FAM227B: variants seen among roughly 807,000 people sequenced by gnomAD.
FAM227B encodes the protein family with sequence similarity 227 member B.
A neutral mutation model predicts 73.8 loss-of-function variants in FAM227B; 88 were observed. The ratio of observed to expected loss-of-function variants is 1.19; its 90% CI spans 1.00 to 1.42. The LOEUF (loss-of-function observed/expected upper bound fraction) is 1.42, where lower values mean the gene tolerates loss of function less well. Among genes scored for constraint, FAM227B ranks in the 40% most tolerant of loss-of-function variants. The pLI is 0.00. For missense variants in FAM227B, 632 were observed against 590.9 expected (o/e 1.07, Z -0.72); for synonymous variants, 210 against 190.5 (o/e 1.10, Z -0.84).
At chr15:49,464,486 T>C (rs1457419741) in intron 11 of FAM227B, among the ~76,000 whole-genome samples, 1 of 152,160 alleles carries the variant, frequency 6.6e-6, no homozygotes, top group Non-Finnish European at 1.5e-5. Context: ...TCTAAATTCA[T>C]GAACTAAGCT....
At chr15:49,612,185 G>C (rs544585364) in intron 2 of FAM227B, among the ~76,000 whole-genome samples, 364 of 151,974 alleles carry the variant, frequency 2.4e-3, no homozygotes, top group African/African-American at 8.3e-3. Flanking sequence ...TTGGTGTGCT[G>C]CACCCATTAA....
intron 10 of FAM227B, 150 bp downstream of exon 10, chr15:49,541,530 A>G (rs75003918): frequency 0.015 from 9,016 of 613,004 alleles, 105 homozygotes; most frequent in African/African-American, 0.03. Flanking sequence ...AAGAAAATAA[A>G]TAACATTTAT....
chr15:49,615,260 ACCC>A lies in FAM227B; in HGVS notation c.-72-20_-72-18del. ...GCGACCAAACTGGGGTATGAAAGACACCCAAATGCAAAAATAAATGACTCAGCC... is the reference window on the plus strand; with the variant it reads ...GCGACCAAACTGGGGTATGAAAGACAAAATGCAAAAATAAATGACTCAGCC... On this transcript the variant is annotated intron_variant, in intron 1 of 15. Coordinates refer to ENST00000299338, the MANE Select transcript of FAM227B (RefSeq NM_152647.3). The A allele has an allele frequency of 9.5e-7, 1 of 1,049,756 alleles. No homozygotes were observed. The allele number at this position is 1,049,756 out of a possible 1,614,324, so 65.0% of individuals were successfully genotyped here.
At chr15:49,417,064 A>G (rs2049268434) in intron 11 of FAM227B, among the ~76,000 whole-genome samples, 1 of 152,194 alleles carries the variant, frequency 6.6e-6, no homozygotes, top group Non-Finnish European at 1.5e-5. Context: ...GGAACCATAA[A>G]AGAGCCTGAA....
intron 9 of FAM227B, among the ~76,000 whole-genome samples, chr15:49,543,357 T>C (rs1015341359): frequency 1.4e-4 from 21 of 152,322 alleles, no homozygotes; most frequent in African/African-American, 4.8e-4. Flanking sequence ...AATGGAATTA[T>C]TTGTTTTTTC....
At chr15:49,504,318 C>G (rs992546776) in intron 11 of FAM227B, among the ~76,000 whole-genome samples, 1 of 151,156 alleles carries the variant, frequency 6.6e-6, no homozygotes, top group African/African-American at 2.4e-5. Flanking sequence ...GGAGACATAC[C>G]CAATGTAAAT....
At chr15:49,382,861 G>C (rs575296885) in intron 11 of FAM227B, among the ~76,000 whole-genome samples, 1 of 152,026 alleles carries the variant, frequency 6.6e-6, no homozygotes, top group Non-Finnish European at 1.5e-5. Context: ...TTACCATAAT[G>C]AGAATGAAAT....
chr15:49,395,745 C>T (rs964540908), intron 11 of FAM227B, among the ~76,000 whole-genome samples: 11 of 152,200 alleles, frequency 7.2e-5, no homozygotes, highest in Non-Finnish European at 1.3e-4. Flanking sequence ...ACAGCGACTA[C>T]GAGGCAGTCT....
intron 11 of FAM227B, among the ~76,000 whole-genome samples, chr15:49,495,840 T>C (rs982359897): frequency 1.1e-4 from 17 of 151,958 alleles, no homozygotes; most frequent in Non-Finnish European, 1.5e-4. Context: ...CTGGCCCACA[T>C]GGAGAATCCC....
At chr15:49,399,576 T>A (rs1282929214) in intron 11 of FAM227B, among the ~76,000 whole-genome samples, 1 of 149,596 alleles carries the variant, frequency 6.7e-6, no homozygotes, top group Non-Finnish European at 1.5e-5. Flanking sequence ...ATATCCTTGA[T>A]GAACATTGAT....
chr15:49,588,754 GTATT>G (rs2076347744), intron 4 of FAM227B, among the ~76,000 whole-genome samples: 1 of 150,126 alleles, frequency 6.7e-6, no homozygotes, highest in South Asian at 2.1e-4. Context: ...ATATGTGTGT[GTATT>G]TATATATACA....
At chr15:49,329,309 A>G (rs2038140667) in intron 15 of FAM227B, 1 of 985,354 alleles carries the variant, frequency 1.0e-6, no homozygotes, top group South Asian at 4.7e-5. Context: ...TGGATGGACT[A>G]TAGGAAGCAC....
chr15:49,421,393 G>A (rs2049614670), intron 11 of FAM227B, among the ~76,000 whole-genome samples: 1 of 152,148 alleles, frequency 6.6e-6, no homozygotes, highest in Admixed American at 6.6e-5. Flanking sequence ...ATATTAATCT[G>A]TTCATTAATA....
At chr15:49,390,191 C>T (rs983371295) in intron 11 of FAM227B, among the ~76,000 whole-genome samples, 1 of 151,958 alleles carries the variant, frequency 6.6e-6, no homozygotes, top group East Asian at 1.9e-4. Context: ...ATACGGGCCA[C>T]CCAATTCTCT....
intron 13 of FAM227B, among the ~76,000 whole-genome samples, chr15:49,360,005 C>T (rs1015699012): frequency 2.7e-5 from 4 of 145,602 alleles, no homozygotes; most frequent in Non-Finnish European, 4.5e-5. Flanking sequence ...AACCAAACAC[C>T]GCATATTCTC....
intron 13 of FAM227B, among the ~76,000 whole-genome samples, chr15:49,357,094 G>C (rs1402277590): frequency 3.5e-4 from 53 of 151,092 alleles, no homozygotes; most frequent in Non-Finnish European, 6.7e-4. Context: ...AGTGTGTAGA[G>C]GGAAATTTAT....
chr15:49,360,163 G>A (rs921782856), intron 13 of FAM227B, among the ~76,000 whole-genome samples: 1 of 150,874 alleles, frequency 6.6e-6, no homozygotes, highest in Non-Finnish European at 1.5e-5. Context: ...TGGGTGCAGC[G>A]CACCAGCATG....
chr15:49,437,242 CTAAAGA>C (rs1245814495), intron 11 of FAM227B, among the ~76,000 whole-genome samples: 1 of 151,274 alleles, frequency 6.6e-6, no homozygotes. Flanking sequence ...TTAGGAATGC[CTAAAGA>C]TAATTTCCTT....
intron 11 of FAM227B, among the ~76,000 whole-genome samples, chr15:49,473,280 A>G (rs996767084): frequency 3.9e-5 from 6 of 152,172 alleles, no homozygotes; most frequent in African/African-American, 1.4e-4. Flanking sequence ...TATTATATAA[A>G]TAAGTTCATT....
Sources: allele counts gnomAD v4.1 joint callset (sites outside exome capture counted in the v4.1 genomes callset), GRCh38; gene constraint gnomAD v4.1.1; transcripts MANE v1.5; gene names NCBI Gene and HGNC (gene_info 2026-07-23, HGNC 2026-07-21).